The following SSC5D variants were observed in gnomAD, a reference collection of about 807,000 sequenced individuals.
SSC5D encodes the protein scavenger receptor cysteine rich family member with 5 domains.
In SSC5D, 106 loss-of-function variants were observed where a neutral mutation model predicts 104.6. That is an observed-to-expected ratio of 1.01 (90% CI 0.87 to 1.19). SSC5D has a LOEUF of 1.19. Among genes scored for constraint, SSC5D ranks in the 50% most tolerant of loss-of-function variants. The probability of loss-of-function intolerance (pLI) is 0.00; values close to 1 mark genes in which losing one functional copy is unlikely to be tolerated. For missense variants in SSC5D, 1,993 were observed against 2,153.8 expected, an observed-to-expected ratio of 0.93 and a Z score of 1.48; for synonymous variants, 860 against 883.5, an observed-to-expected ratio of 0.97 and a Z score of 0.47.
chr19:55,493,836 C>T lies in SSC5D; in HGVS notation c.1137C>T (p.Ala379=), dbSNP rs1987224895. Residue 379 remains alanine, a synonymous_variant, in exon 7 of 14, where the codon GCC becomes GCT. Coordinates refer to ENST00000389623, the MANE Select transcript of SSC5D (RefSeq NM_001144950.2). ...TTCGGTGTCGGGGAAACGAGACGGCCTTACGATTCTGCCCAGCTCGGCCCT... is the reference window on the plus strand; with the variant it reads ...TTCGGTGTCGGGGAAACGAGACGGCTTTACGATTCTGCCCAGCTCGGCCCT... ...DDLRCRGNET[A]LRFCPARPWG... 1 of 1,549,628 alleles carries T rather than the reference C, an allele frequency of 6.5e-7. No homozygotes were observed. Among genetic ancestry groups the T allele is most frequent in the Non-Finnish European group, 8.7e-7 (1 of 1,146,694 alleles).
intron 12 of SSC5D, chr19:55,504,194 C>A: frequency 6.5e-7 from 1 of 1,533,738 alleles, no homozygotes; most frequent in South Asian, 1.2e-5. Flanking sequence ...TAGCCCATAG[C>A]GCCCCCTCGT....
Position 55,506,600 on chromosome 19 carries a change from T to G in SSC5D, c.2785+5399T>G, listed in dbSNP as rs1987642789. ...TAGTAGAGACGGGGTTTCACTGTGT[T>G]AGCCAGGATGGTCTCGATCTCCTGA... On this transcript the variant is annotated intron_variant, in intron 12 of 13. Coordinates refer to ENST00000389623, the MANE Select transcript of SSC5D (RefSeq NM_001144950.2). Among the ~76,000 whole-genome samples the G allele has an allele frequency of 2.6e-5, 4 of 151,816 alleles. No individual in the cohort carries two copies. In the South Asian group the frequency reaches 8.3e-4, roughly 32 times the overall value.
At position 55,494,909 on chromosome 19, in the gene SSC5D, C is replaced by T. The variant is rs142438346; in HGVS notation, c.1387+126C>T. ...GTGGAGAAGAGGAGCACAGGGGCCT[C>T]GCCCAGGACACTGAGCTGGGTTCAA... On this transcript the variant is annotated intron_variant, in intron 8 of 13. Transcript: ENST00000389623. 9.8e-4 allele frequency: 1,106 copies of T among 1,124,588 alleles called. 14 individuals are homozygous for T. In the African/African-American group the frequency reaches 0.016, roughly 16 times the overall value. 69.7% of individuals were successfully genotyped at this position (1,124,588 alleles called of 1,614,324 possible). A position where few individuals can be genotyped will look rare whatever the true frequency, so the allele number is the denominator to read the frequency against.
Position 55,518,501 on chromosome 19 carries a change from G to A in SSC5D, c.4225G>A (p.Asp1409Asn). The A allele has an allele frequency of 6.4e-7, 1 of 1,551,130 alleles. No homozygotes were observed. The highest frequency in any genetic ancestry group is 8.7e-7 in the Non-Finnish European group (1 of 1,146,880). ...ATSMDPLSTE[D>N]FKPPRSQSPN... is the part of the protein sequence containing the mutation. ...AAGCATGGACCCACTGTCCACTGAG[G>A]ACTTCAAGCCACCCAGAAGCCAGAG... The change falls in exon 14 of 14, where the codon GAC becomes AAC. Residue 1409 changes from aspartate (D) to asparagine (N), a missense_variant. This residue lies in a region of SSC5D where 349 missense variants were observed against 397.6 expected (regional missense o/e 0.88). Transcript: ENST00000389623.
chr19:55,507,336 T>G, intron 12 of SSC5D, among the ~76,000 whole-genome samples: 1 of 99,108 alleles, frequency 1.0e-5, no homozygotes, highest in African/African-American at 4.2e-5. Flanking sequence ...TGAGACCCCG[T>G]CTCAAAAAAA....
chr19:55,501,160 C>T lies in SSC5D; in HGVS notation c.2744C>T (p.Pro915Leu), dbSNP rs749315738. The T allele has an allele frequency of 1.5e-5, 23 of 1,546,162 alleles. No individual in the cohort carries two copies. The highest frequency in any genetic ancestry group is 1.1e-4 in the South Asian group (9 of 83,516). Residue 915 changes from proline to leucine, a missense_variant, in exon 12 of 14, where the codon CCG becomes CTG. Physicochemically the swap from Pro to Leu is moderately conservative, Grantham distance 98. Transcript: ENST00000389623. ...HTLPWRTTRR[P>L]GSSSPAIRRL... ...CTCCCCTGGAGGACCACCCGGCGCC[C>T]GGGTAGCTCCTCCCCAGCAATAAGG... is the stretch of plus-strand genomic sequence containing the variant.
At chr19:55,499,726 G>T in intron 9 of SSC5D, 90 bp from the exon 10 acceptor site, 1 of 994,066 alleles carries the variant, frequency 1.0e-6, no homozygotes, top group Non-Finnish European at 1.5e-6. Context: ...TGGGAACTGG[G>T]TGAGTGACTG....
At chr19:55,490,079 C>A in intron 4 of SSC5D, 84 bp downstream of exon 4, 1 of 660,732 alleles carries the variant, frequency 1.5e-6, no homozygotes, top group South Asian at 3.4e-5. Flanking sequence ...CCCTGCCAAC[C>A]CCCACCCAGC....
Position 55,500,449 on chromosome 19 carries a change from G to T in SSC5D, c.2302+37G>T. 4 of 1,548,318 alleles carry T rather than the reference G, an allele frequency of 2.6e-6. No homozygotes were observed. Among genetic ancestry groups the T allele is most frequent in the Non-Finnish European group, 3.5e-6 (4 of 1,144,544 alleles). ...TGAGGGGTGTGGGGAGAGAATGGGA[G>T]AGGCTGACCCTCCCTCCTGACCTAA... On this transcript the variant is annotated intron_variant, in intron 10 of 13. Transcript: ENST00000389623. This position sits in a 1 kb window ranked among gnomAD's most constrained non-coding sequence, Gnocchi z 4.6.
chr19:55,488,735 GA>G (rs763877594), intron 1 of SSC5D, 121 bp downstream of exon 1: 33 of 899,868 alleles, frequency 3.7e-5, no homozygotes, highest in Non-Finnish European at 5.0e-5. Flanking sequence ...TGCATACCCT[GA>G]CATCCCTTCT....
At position 55,500,369 on chromosome 19, in the gene SSC5D, A is replaced by G; in HGVS notation, c.2259A>G (p.Lys753=). 2 of 1,551,358 alleles carry G rather than the reference A, an allele frequency of 1.3e-6. No homozygotes were observed. Among genetic ancestry groups the G allele is most frequent in the South Asian group, 2.4e-5 (2 of 84,052 alleles). ...CAGAAGGGTCTCCAGAGTCACCCAA[A>G]GACCCGGCCCCCTCTCCCAGTGTTA... ...EIPEGSPESP[K]DPAPSPSVST... Residue 753 remains lysine (K), a synonymous_variant, in exon 10 of 14, where the codon AAA becomes AAG. Transcript: ENST00000389623. This position sits in a 1 kb window ranked among gnomAD's most constrained non-coding sequence, Gnocchi z 4.6.
intron 6 of SSC5D, among the ~76,000 whole-genome samples, chr19:55,493,386 C>T (rs529100840): frequency 6.6e-6 from 1 of 152,198 alleles, no homozygotes; most frequent in Non-Finnish European, 1.5e-5. Flanking sequence ...CAGCCCCCAC[C>T]GCCCCAAGGC....
At chr19:55,509,881 G>GA (rs11335888) in intron 12 of SSC5D, among the ~76,000 whole-genome samples, 4 of 137,188 alleles carry the variant, frequency 2.9e-5, no homozygotes, top group African/African-American at 2.7e-5. Flanking sequence ...AAGAGAAAAA[G>GA]AAAAAAAAAA....
Position 55,501,087 on chromosome 19 carries a change from G to C in SSC5D, c.2671G>C (p.Glu891Gln), listed in dbSNP as rs759066445. ...PPWTWDPTSR[E>Q]DLAKGTTTAG... is the part of the protein sequence containing the mutation. The stretch of plus-strand genomic sequence containing the variant: ...CTGGACCTGGGACCCCACCTCAAGA[G>C]AGGACCTGGCCAAGGGGACTACCAC... The change falls in exon 12 of 14, where the codon GAG (glutamate) becomes CAG (glutamine). Residue 891 changes from glutamate to glutamine, a missense_variant. Glu to Gln is a conservative substitution (Grantham distance 29). Around this residue, in one of 6 missense-constraint regions of SSC5D, gnomAD observed 423 missense variants for 409.2 expected, o/e 1.03. Transcript: ENST00000389623. The C allele has an allele frequency of 5.0e-5, 78 of 1,551,690 alleles. No homozygotes were observed. The highest frequency in any genetic ancestry group is 1.7e-5 in the Non-Finnish European group (20 of 1,147,002).
chr19:55,504,661 G>C (rs1393483626), intron 12 of SSC5D, among the ~76,000 whole-genome samples: 1 of 152,046 alleles, frequency 6.6e-6, no homozygotes, highest in Non-Finnish European at 1.5e-5. Flanking sequence ...CCACCACACC[G>C]GGCTAATTTT....
In SSC5D at chr19:55,498,178, T is replaced by C; in HGVS notation, c.1686T>C (p.Asp562=). The change falls in exon 9 of 14, where the codon GAT becomes GAC. Residue 562 remains aspartate, a synonymous_variant. Coordinates refer to ENST00000389623, the MANE Select transcript of SSC5D (RefSeq NM_001144950.2). The stretch of plus-strand genomic sequence containing the variant: ...AGCACAACTGCGCTCACAATGAGGA[T>C]GTTGGGGTCACCTGCACTGGTAAGG... ...WGKHNCAHNE[D]VGVTCTGPPG... 3 of 1,551,688 alleles carry C rather than the reference T, an allele frequency of 1.9e-6. No homozygotes were observed. The highest frequency in any genetic ancestry group is 2.6e-6 in the Non-Finnish European group (3 of 1,146,980).
chr19:55,517,653 A>G lies in SSC5D; in HGVS notation c.3377A>G (p.Asp1126Gly), dbSNP rs1241515472. 1 of 1,551,504 alleles carries G rather than the reference A, an allele frequency of 6.4e-7. No individual in the cohort carries two copies. Among genetic ancestry groups the G allele is most frequent in the South Asian group, 1.2e-5 (1 of 84,050 alleles). Residue 1126 changes from aspartate (D) to glycine (G), a missense_variant, in exon 14 of 14, where the codon GAT becomes GGT. Physicochemically the swap from Asp to Gly is moderately conservative, Grantham distance 94. This residue lies in a region of SSC5D where 423 missense variants were observed against 409.2 expected (regional missense o/e 1.03). Transcript: ENST00000389623. Reference sequence around the variant, plus strand: ...GTCCCAGAATCTGACACAACCCCAGATTTGGACACAACTCCATACTCCAGT... The same window carrying G: ...GTCCCAGAATCTGACACAACCCCAGGTTTGGACACAACTCCATACTCCAGT... ...EQVPESDTTPDLDTTPYSSTV... is the reference protein window; with the variant it reads ...EQVPESDTTPGLDTTPYSSTV...
In SSC5D at chr19:55,506,373, A is replaced by ATTTTTTTT. The variant is rs869296361; in HGVS notation, c.2785+5204_2785+5211dup. Among the ~76,000 whole-genome samples, 7 of 72,060 alleles carry ATTTTTTTT rather than the reference A, an allele frequency of 9.7e-5. 1 individual carries two copies. Among genetic ancestry groups the ATTTTTTTT allele is most frequent in the African/African-American group, 3.9e-4 (7 of 18,030 alleles). 47.3% of individuals were successfully genotyped at this position (72,060 alleles called of 152,430 possible). On this transcript the variant is annotated intron_variant, in intron 12 of 13. Coordinates refer to ENST00000389623, the MANE Select transcript of SSC5D (RefSeq NM_001144950.2). ...GAGATTGGAGGCCTGTGGAATTTGG[A>ATTTTTTTT]TTTTTTTTTTTTTTTTTTTTTTTTT...
intron 12 of SSC5D, among the ~76,000 whole-genome samples, chr19:55,512,401 T>A: frequency 6.8e-6 from 1 of 146,428 alleles, no homozygotes. Flanking sequence ...ATTATAGAGA[T>A]GTTCCAGGCA....
Sources: allele counts gnomAD v4.1 joint callset (sites outside exome capture counted in the v4.1 genomes callset), GRCh38; gene constraint gnomAD v4.1.1; regional missense constraint gnomAD v4.1.1; non-coding constraint Gnocchi (gnomAD v3.1); transcripts MANE v1.5; gene names NCBI Gene and HGNC (gene_info 2026-07-23, HGNC 2026-07-21).